IL1RAP: variants seen among roughly 807,000 people sequenced by gnomAD.
The protein encoded by IL1RAP is interleukin-1 receptor accessory protein.
IL1RAP carries 35 observed loss-of-function variants against 60.7 expected under a neutral mutation model. The ratio of observed to expected loss-of-function variants is 0.58; its 90% CI spans 0.44 to 0.76. The LOEUF (loss-of-function observed/expected upper bound fraction) is 0.76, where lower values mean the gene tolerates loss of function less well. Ranked by LOEUF, IL1RAP falls within the 30% of genes least tolerant of loss-of-function variation. The probability of loss-of-function intolerance (pLI) is 0.00; values close to 1 mark genes in which losing one functional copy is unlikely to be tolerated. For missense variants in IL1RAP, 572 were observed against 693.9 expected (o/e 0.82, Z 1.97); for synonymous variants, 268 against 250.9 (o/e 1.07, Z -0.64).
chr3:190,618,453 T>G (rs1354762018), intron 5 of IL1RAP, among the ~76,000 whole-genome samples: 2 of 152,208 alleles, frequency 1.3e-5, no homozygotes, highest in Non-Finnish European at 2.9e-5. Context: ...GTTATTCGGC[T>G]TTCTGGAAAA....
At chr3:190,655,932 G>C (rs1351739721), downstream of IL1RAP, 45 of 1,537,290 alleles carry the variant, frequency 2.9e-5, no homozygotes, top group Non-Finnish European at 2.1e-5. Flanking sequence ...GAAGCAGAAG[G>C]ATGATTGTTG....
intron 1 of IL1RAP, among the ~76,000 whole-genome samples, chr3:190,547,936 A>AG (rs1282257503): frequency 3.9e-5 from 6 of 152,126 alleles, no homozygotes; most frequent in South Asian, 2.1e-4. Context: ...TGATGGAGTA[A>AG]GGGGGGCCTC....
intron 9 of IL1RAP, among the ~76,000 whole-genome samples, chr3:190,637,296 C>T (rs1733302459): frequency 6.6e-6 from 1 of 152,118 alleles, no homozygotes; most frequent in South Asian, 2.1e-4. Context: ...CTGCTGGTGA[C>T]AAATTCTCTC....
chr3:190,628,668 C>A (rs1345663920), intron 8 of IL1RAP, among the ~76,000 whole-genome samples: 1 of 152,142 alleles, frequency 6.6e-6, no homozygotes, highest in Non-Finnish European at 1.5e-5. Context: ...TAACAGCTTT[C>A]TCTTTTTATA....
At chr3:190,516,765 CG>C (rs1560130721) in intron 1 of IL1RAP, among the ~76,000 whole-genome samples, 1 of 152,054 alleles carries the variant, frequency 6.6e-6, no homozygotes, top group Non-Finnish European at 1.5e-5. Flanking sequence ...ATCTGTATAA[CG>C]AATAAATTCA....
chr3:190,608,894 G>A, intron 4 of IL1RAP, 101 bp from the exon 5 acceptor site: 1 of 802,508 alleles, frequency 1.2e-6, no homozygotes, highest in Non-Finnish European at 2.0e-6. Context: ...TATAAATGAT[G>A]TCTCCGTATG....
chr3:190,629,049 T>C (rs1732551747), intron 8 of IL1RAP, among the ~76,000 whole-genome samples: 1 of 152,158 alleles, frequency 6.6e-6, no homozygotes. Flanking sequence ...TGATACAGCA[T>C]CCTGGCTCAG....
chr3:190,627,239 T>C, intron 7 of IL1RAP, 84 bp from the exon 8 acceptor site: 1 of 1,215,316 alleles, frequency 8.2e-7, no homozygotes, highest in Non-Finnish European at 1.1e-6. Context: ...ACTAATGGGC[T>C]AACTTTGTCT....
At position 190,609,103 on chromosome 3, in the gene IL1RAP, T is replaced by C. The variant is rs113313204; in HGVS notation, c.459T>C (p.Tyr153=). The part of the protein sequence containing the change: ...KLPVHKLYIE[Y]GIQRITCPNV... ...CAGTGCATAAACTGTATATAGAATATGGCATTCAGAGGATCACTTGTCCAA... is the reference window on the plus strand; with the variant it reads ...CAGTGCATAAACTGTATATAGAATACGGCATTCAGAGGATCACTTGTCCAA... The change falls in exon 5 of 12, where the codon TAT becomes TAC. Residue 153 remains tyrosine, a synonymous_variant. Coordinates refer to ENST00000447382, the MANE Select transcript of IL1RAP (RefSeq NM_002182.4). The C allele has an allele frequency of 4.2e-5, 67 of 1,613,198 alleles. No homozygotes were observed. In the African/African-American group the frequency reaches 6.5e-4, roughly 16 times the overall value.
downstream of IL1RAP, among the ~76,000 whole-genome samples, chr3:190,654,572 T>G (rs115177401): frequency 0.011 from 1,598 of 152,126 alleles, 31 homozygotes; most frequent in African/African-American, 0.037. Flanking sequence ...CTCTCCAATT[T>G]CCCTTCAAAT....
chr3:190,623,066 A>G (rs1016920075), intron 6 of IL1RAP, among the ~76,000 whole-genome samples: 1 of 152,188 alleles, frequency 6.6e-6, no homozygotes, highest in Non-Finnish European at 1.5e-5. Flanking sequence ...AAAACAATAG[A>G]TGCTCCTATT....
chr3:190,656,226 C>T, downstream of IL1RAP: 1 of 1,537,192 alleles, frequency 6.5e-7, no homozygotes, highest in Non-Finnish European at 8.7e-7. Flanking sequence ...GCTGCTCTTC[C>T]CAGTCTGACA....
In IL1RAP at chr3:190,564,301, G is replaced by C. The variant is rs762362598; in HGVS notation, c.12G>C (p.Leu4=). 2 of 1,609,510 alleles carry C rather than the reference G, an allele frequency of 1.2e-6. No homozygotes were observed. Among genetic ancestry groups the C allele is most frequent in the Non-Finnish European group, 1.7e-6 (2 of 1,176,006 alleles). MTL[L]WCVVSLYFYG... is the part of the protein sequence containing the mutation. ...TTTATGGTTACAGGATGACACTTCT[G>C]TGGTGTGTAGTGAGTCTCTACTTTT... is the stretch of plus-strand genomic sequence containing the variant. The change falls in exon 3 of 12, where the codon CTG becomes CTC. Residue 4 remains leucine (L), a synonymous_variant. Coordinates refer to ENST00000447382, the MANE Select transcript of IL1RAP (RefSeq NM_002182.4).
chr3:190,615,262 A>G, intron 5 of IL1RAP: 2 of 1,202,162 alleles, frequency 1.7e-6, no homozygotes, highest in African/African-American at 1.6e-5. Flanking sequence ...GCTGGCTTAT[A>G]AAACAAATTC....
intron 1 of IL1RAP, among the ~76,000 whole-genome samples, chr3:190,541,794 C>G (rs1488002230): frequency 6.6e-6 from 1 of 152,112 alleles, no homozygotes; most frequent in Non-Finnish European, 1.5e-5. Flanking sequence ...CCCCTCAGCC[C>G]CTGGCAACAA....
At chr3:190,528,938 A>T (rs1445576240) in intron 1 of IL1RAP, among the ~76,000 whole-genome samples, 1 of 152,174 alleles carries the variant, frequency 6.6e-6, no homozygotes, top group Non-Finnish European at 1.5e-5. Context: ...GAGAGCTACA[A>T]TTGTGGGAGA....
chr3:190,639,372 G>A (rs562774872), intron 9 of IL1RAP, among the ~76,000 whole-genome samples: 1 of 152,028 alleles, frequency 6.6e-6, no homozygotes, highest in African/African-American at 2.4e-5. Context: ...AGTTTCCAAT[G>A]TATGCTGGCC....
chr3:190,642,868 A>C (rs1733757510), intron 9 of IL1RAP, among the ~76,000 whole-genome samples: 1 of 152,248 alleles, frequency 6.6e-6, no homozygotes, highest in Non-Finnish European at 1.5e-5. Context: ...TACACAATTT[A>C]AGCCACTCCT....
chr3:190,576,928 C>T (rs1023614200), intron 3 of IL1RAP, among the ~76,000 whole-genome samples: 4 of 150,990 alleles, frequency 2.6e-5, no homozygotes, highest in African/African-American at 7.3e-5. Flanking sequence ...GGTGAAACCC[C>T]GTCTCTACTA....
Sources: gnomAD v4.1 joint callset for allele counts (sites outside exome capture counted in the v4.1 genomes callset) on GRCh38, gnomAD v4.1.1 for gene constraint, MANE v1.5 for transcripts, NCBI Gene and HGNC (gene_info 2026-07-23, HGNC 2026-07-21) for gene names.